The following PRKG1 variants were observed in gnomAD, a reference collection of about 807,000 sequenced individuals.
The protein encoded by PRKG1 is cGMP-dependent protein kinase 1.
In PRKG1, 35 loss-of-function variants were observed where a neutral mutation model predicts 88.1. That is an observed-to-expected ratio of 0.40 (90% CI 0.30 to 0.53). The LOEUF (loss-of-function observed/expected upper bound fraction) is 0.53. Ranked by LOEUF, PRKG1 falls within the 20% of genes least tolerant of loss-of-function variation. The pLI is 0.59. For synonymous variants in PRKG1, 303 were observed against 292.5 expected (o/e 1.04, Z -0.37); for missense variants, 540 against 839.8 (o/e 0.64, Z 4.41).
intron 3 of PRKG1, among the ~76,000 whole-genome samples, chr10:51,531,739 G>A (rs1842022438): frequency 7.1e-6 from 1 of 141,824 alleles, no homozygotes; most frequent in South Asian, 2.3e-4. Flanking sequence ...CCACCTCCTG[G>A]GTTCGAGTGA....
upstream of PRKG1, among the ~76,000 whole-genome samples, chr10:51,070,435 G>T (rs981928877): frequency 2.6e-5 from 4 of 152,054 alleles, no homozygotes; most frequent in Admixed American, 2.6e-4. Flanking sequence ...TCTGCCAGAG[G>T]AAGCTTCTGT....
intron 4 of PRKG1, among the ~76,000 whole-genome samples, chr10:51,859,068 C>T (rs541596634): frequency 9.7e-4 from 148 of 152,220 alleles, no homozygotes; most frequent in African/African-American, 3.4e-3. Context: ...TGATGAGGCC[C>T]AGAGGAAAGG....
At chr10:51,425,555 G>T (rs985525870) in intron 2 of PRKG1, among the ~76,000 whole-genome samples, 1 of 152,180 alleles carries the variant, frequency 6.6e-6, no homozygotes, top group Non-Finnish European at 1.5e-5. Flanking sequence ...TAGAGGAGTT[G>T]CTGCCTCCAC....
intron 3 of PRKG1, among the ~76,000 whole-genome samples, chr10:51,626,850 T>G (rs979006852): frequency 2.6e-5 from 4 of 152,174 alleles, no homozygotes; most frequent in Non-Finnish European, 4.4e-5. Context: ...AGTTTGAACT[T>G]GTATTTTAAT....
chr10:52,169,694 G>A (rs1838605109), intron 9 of PRKG1, among the ~76,000 whole-genome samples: 1 of 152,196 alleles, frequency 6.6e-6, no homozygotes, highest in African/African-American at 2.4e-5. Context: ...ATGGAGTGGT[G>A]GGGATGGAGC....
intron 1 of PRKG1, among the ~76,000 whole-genome samples, chr10:51,023,845 A>C (rs1843168795): frequency 6.6e-6 from 1 of 152,222 alleles, no homozygotes; most frequent in African/African-American, 2.4e-5. Flanking sequence ...AAGCCACATA[A>C]CACAAAAACA....
At chr10:52,120,011 G>C (rs1166576291) in intron 7 of PRKG1, among the ~76,000 whole-genome samples, 1 of 151,758 alleles carries the variant, frequency 6.6e-6, no homozygotes, top group Non-Finnish European at 1.5e-5. Context: ...GAGACAGAGA[G>C]AGAGAGACAG....
chr10:51,000,249 G>A (rs77010909), intron 1 of PRKG1, among the ~76,000 whole-genome samples: 3,080 of 152,318 alleles, frequency 0.02, 56 homozygotes, highest in Middle Eastern at 0.071. Flanking sequence ...GCACTCACAG[G>A]CACCTCCCGA....
intron 3 of PRKG1, among the ~76,000 whole-genome samples, chr10:51,526,229 A>G (rs1841881154): frequency 6.6e-6 from 1 of 152,208 alleles, no homozygotes; most frequent in East Asian, 1.9e-4. Flanking sequence ...AAGAATATAA[A>G]GGATCTCATA....
Position 51,134,695 on chromosome 10 carries a change from C to T in PRKG1, c.312-18469C>T, listed in dbSNP as rs543912918. On this transcript the variant is annotated intron_variant, in intron 1 of 17. Coordinates refer to ENST00000373980, the MANE Select transcript of PRKG1 (RefSeq NM_006258.4). ...TTTTGAACAGAAATATGTATTTGAA[C>T]CCCTTCCCCTTTCTTAGATATTTGA... Among the ~76,000 whole-genome samples, 13 of 152,118 alleles carry T rather than the reference C, an allele frequency of 8.5e-5. No homozygotes were observed. The East Asian group carries it at 2.3e-3, about 27-fold the overall frequency.
intron 1 of PRKG1, among the ~76,000 whole-genome samples, chr10:51,098,794 G>A (rs1321379437): frequency 6.6e-6 from 1 of 152,112 alleles, no homozygotes; most frequent in East Asian, 1.9e-4. Context: ...ATCCCCACAT[G>A]CCATTCCCCA....
intron 2 of PRKG1, among the ~76,000 whole-genome samples, chr10:51,296,849 A>G (rs973363269): frequency 6.6e-6 from 1 of 152,038 alleles, no homozygotes; most frequent in Non-Finnish European, 1.5e-5. Flanking sequence ...ACCTAGTTAC[A>G]TTGCCGCCTC....
At chr10:51,567,194 T>C (rs182121601) in intron 3 of PRKG1, among the ~76,000 whole-genome samples, 2 of 152,152 alleles carry the variant, frequency 1.3e-5, no homozygotes, top group Non-Finnish European at 2.9e-5. Flanking sequence ...TTTTTGAATA[T>C]ATGTGCCTCT....
intron 3 of PRKG1, among the ~76,000 whole-genome samples, chr10:51,662,836 T>C (rs925253713): frequency 6.6e-6 from 1 of 152,024 alleles, no homozygotes; most frequent in African/African-American, 2.4e-5. Context: ...AGTTCAAAGG[T>C]ATAGACTCAG....
chr10:52,199,485 T>C (rs1839601189), intron 9 of PRKG1, among the ~76,000 whole-genome samples: 1 of 152,202 alleles, frequency 6.6e-6, no homozygotes, highest in African/African-American at 2.4e-5. Context: ...ACCCATGGAA[T>C]AACTGTGTTT....
At chr10:51,794,344 C>T (rs1486873940) in intron 3 of PRKG1, among the ~76,000 whole-genome samples, 1 of 152,042 alleles carries the variant, frequency 6.6e-6, no homozygotes, top group Non-Finnish European at 1.5e-5. Context: ...TAAAGTAAAA[C>T]CTAGATCAAA....
intron 2 of PRKG1, among the ~76,000 whole-genome samples, chr10:51,409,213 G>T (rs1838006889): frequency 6.6e-6 from 1 of 152,154 alleles, no homozygotes; most frequent in Non-Finnish European, 1.5e-5. Flanking sequence ...AGAACCATCT[G>T]TTTTCCAGGC....
At chr10:51,775,613 C>T (rs1838414377) in intron 3 of PRKG1, among the ~76,000 whole-genome samples, 1 of 151,698 alleles carries the variant, frequency 6.6e-6, no homozygotes, top group South Asian at 2.1e-4. Context: ...GAGACAAAGC[C>T]TTGCTTTATT....
chr10:51,284,164 G>C (rs74454196), intron 2 of PRKG1, among the ~76,000 whole-genome samples: 2 of 151,896 alleles, frequency 1.3e-5, no homozygotes, highest in Non-Finnish European at 2.9e-5. Context: ...TTAAATCAAG[G>C]GCTACAAAAT....
Sources: gnomAD v4.1 joint callset for allele counts (sites outside exome capture counted in the v4.1 genomes callset) on GRCh38, gnomAD v4.1.1 for gene constraint, MANE v1.5 for transcripts, NCBI Gene and HGNC (gene_info 2026-07-23, HGNC 2026-07-21) for gene names.